APP: variants seen among roughly 807,000 people sequenced by gnomAD.
The protein encoded by APP is amyloid-beta precursor protein.
A neutral mutation model predicts 101.4 loss-of-function variants in APP; 31 were observed. The ratio of observed to expected loss-of-function variants is 0.31; its 90% CI spans 0.23 to 0.41. The LOEUF (loss-of-function observed/expected upper bound fraction) is 0.41, where lower values mean the gene tolerates loss of function less well. APP is among the 10% of genes least tolerant of loss of function. The pLI, the probability that APP is intolerant of heterozygous loss-of-function variation, is 1.00. For synonymous variants in APP, 366 were observed against 364.4 expected, an observed-to-expected ratio of 1.00 and a Z score of -0.05; for missense variants, 839 against 1,003.7, an observed-to-expected ratio of 0.84 and a Z score of 2.22.
intron 13 of APP, chr21:25,934,118 G>A (rs1379803028): frequency 6.6e-6 from 1 of 152,166 alleles, no homozygotes; most frequent in Non-Finnish European, 1.5e-5. Flanking sequence ...AGACAGAGGT[G>A]GAGATTGGAG....
chr21:26,152,442 C>T (rs2063297426), intron 1 of APP, among the ~76,000 whole-genome samples: 1 of 151,944 alleles, frequency 6.6e-6, no homozygotes, highest in African/African-American at 2.4e-5. Context: ...GTAAACATTA[C>T]ATGTACAAAG....
At chr21:25,940,489 C>T (rs2040531950) in intron 13 of APP, among the ~76,000 whole-genome samples, 2 of 152,024 alleles carry the variant, frequency 1.3e-5, no homozygotes, top group Non-Finnish European at 2.9e-5. Context: ...AAAAAACTAC[C>T]AATTGGCCAT....
intron 2 of APP, among the ~76,000 whole-genome samples, chr21:26,102,330 C>T (rs1465611566): frequency 6.6e-6 from 1 of 152,004 alleles, no homozygotes; most frequent in Non-Finnish European, 1.5e-5. Flanking sequence ...ACCTCGTGAT[C>T]TGCCCGCCTC....
chr21:26,166,394 A>G (rs1601609293), intron 1 of APP, among the ~76,000 whole-genome samples: 1 of 152,080 alleles, frequency 6.6e-6, no homozygotes, highest in Admixed American at 6.5e-5. Flanking sequence ...AAAAGACGGC[A>G]TTTCCCATCC....
Position 25,911,869 on chromosome 21 carries a change from A to T in APP, c.1781T>A (p.Met594Lys), listed in dbSNP as rs763182419. The T allele has an allele frequency of 3.1e-6, 5 of 1,614,198 alleles. No homozygotes were observed. Among genetic ancestry groups the T allele is most frequent in the Non-Finnish European group, 4.2e-6 (5 of 1,180,036 alleles). The change falls in exon 14 of 18, where the codon ATG becomes AAG. Residue 594 changes from methionine (M) to lysine (K), a missense_variant. By Grantham distance (95) the Met-to-Lys change is moderately conservative. Coordinates refer to ENST00000346798, the MANE Select transcript of APP (RefSeq NM_000484.4). ...GGTTTTCGTTTCGGTCAAAGATGGCATGAGAGCATCGTTTCCGTAACTGAT... is the reference window on the plus strand; with the variant it reads ...GGTTTTCGTTTCGGTCAAAGATGGCTTGAGAGCATCGTTTCCGTAACTGAT... ...PRISYGNDAL[M>K]PSLTETKTTV...
At chr21:26,122,429 T>C (rs1030811475) in intron 1 of APP, among the ~76,000 whole-genome samples, 3 of 152,214 alleles carry the variant, frequency 2.0e-5, no homozygotes, top group Non-Finnish European at 4.4e-5. Context: ...TTGTCTTCAA[T>C]GTGCATTAAA....
At chr21:25,976,853 T>C (rs1197729358) in intron 9 of APP, among the ~76,000 whole-genome samples, 4 of 152,150 alleles carry the variant, frequency 2.6e-5, no homozygotes, top group African/African-American at 7.2e-5. Context: ...TAAATTAGTA[T>C]CATTATGGGG....
chr21:26,075,169 A>C (rs970164530), intron 3 of APP, among the ~76,000 whole-genome samples: 3 of 152,256 alleles, frequency 2.0e-5, no homozygotes, highest in Non-Finnish European at 4.4e-5. Flanking sequence ...TCCTCAATTC[A>C]TTCATTAAAT....
Position 26,022,019 on chromosome 21 carries a change from G to A in APP, c.686C>T (p.Ala229Val), listed in dbSNP as rs1468425505. 2 of 1,613,952 alleles carry A rather than the reference G, an allele frequency of 1.2e-6. No individual in the cohort carries two copies. Among genetic ancestry groups the A allele is most frequent in the South Asian group, 1.1e-5 (1 of 91,064 alleles). ...DGSEDKVVEVAEEEEVAEVEE... is the reference protein window; with the variant it reads ...DGSEDKVVEVVEEEEVAEVEE... Reference sequence around the variant, plus strand: ...CACCTCAGCCACTTCTTCCTCCTCTGCTACTTCTACTACTTTGTCTTCACT... The same window carrying A: ...CACCTCAGCCACTTCTTCCTCCTCTACTACTTCTACTACTTTGTCTTCACT... The change falls in exon 6 of 18, where the codon GCA (alanine) becomes GTA (valine). Residue 229 changes from alanine (A) to valine (V), a missense_variant. Coordinates refer to ENST00000346798, the MANE Select transcript of APP (RefSeq NM_000484.4).
rs745978469 is a variant in APP at position 26,123,487 on chromosome 21, C to T, written c.58-11341G>A. 5.9e-5 allele frequency among the ~76,000 whole-genome samples: 9 copies of T among 152,112 alleles called. No homozygotes were observed. In the South Asian group the frequency reaches 8.3e-4, roughly 14 times the overall value. ...TAAAGAATACTCCAGGTTTAAATTC[C>T]AGGTTATTTGCTTGATAAGCCTGGG... On this transcript the variant is annotated intron_variant, in intron 1 of 17. Transcript: ENST00000346798.
intron 2 of APP, among the ~76,000 whole-genome samples, chr21:26,102,081 GGTTTTTTTTTTTT>G (rs2146166160): frequency 7.5e-6 from 1 of 133,632 alleles, no homozygotes; most frequent in African/African-American, 3.0e-5. Context: ...AAAACTATGT[GGTTTTTTTTTTTT>G]TTTTTTTTTT....
intron 11 of APP, among the ~76,000 whole-genome samples, chr21:25,961,877 G>A (rs1037374848): frequency 6.6e-6 from 1 of 151,868 alleles, no homozygotes; most frequent in South Asian, 2.1e-4. Context: ...TCACGAAAAG[G>A]ATATTGATAA....
chr21:26,054,188 T>C (rs1414300597), intron 3 of APP, among the ~76,000 whole-genome samples: 1 of 152,198 alleles, frequency 6.6e-6, no homozygotes. Context: ...GTCAGGCCAG[T>C]ATCTTGGGTG....
intron 1 of APP, among the ~76,000 whole-genome samples, chr21:26,149,909 C>T (rs1359701111): frequency 1.3e-5 from 2 of 152,166 alleles, no homozygotes; most frequent in Admixed American, 6.5e-5. Context: ...CCCCAGCATG[C>T]TCCCACCTCA....
intron 5 of APP, among the ~76,000 whole-genome samples, chr21:26,038,504 C>G (rs2045225591): frequency 6.6e-6 from 1 of 152,200 alleles, no homozygotes; most frequent in Non-Finnish European, 1.5e-5. Flanking sequence ...TGTCTCACGC[C>G]TGTAATCCCA....
At chr21:25,938,735 C>T (rs1034120507) in intron 13 of APP, among the ~76,000 whole-genome samples, 1 of 152,182 alleles carries the variant, frequency 6.6e-6, no homozygotes, top group Non-Finnish European at 1.5e-5. Context: ...CTTAAAGCAG[C>T]TAAACCGAAG....
intron 13 of APP, among the ~76,000 whole-genome samples, chr21:25,950,203 C>G (rs996383446): frequency 5.3e-5 from 8 of 152,138 alleles, no homozygotes; most frequent in Non-Finnish European, 1.0e-4. Flanking sequence ...ATGTGACCAT[C>G]AGCATTATCA....
intron 13 of APP, among the ~76,000 whole-genome samples, chr21:25,947,610 T>C (rs987463754): frequency 6.6e-6 from 1 of 152,226 alleles, no homozygotes; most frequent in Non-Finnish European, 1.5e-5. Context: ...ACAGGCCTCA[T>C]GTCTGTTACT....
chr21:26,163,402 TTAA>T (rs1432279297), intron 1 of APP, among the ~76,000 whole-genome samples: 1 of 152,170 alleles, frequency 6.6e-6, no homozygotes, highest in African/African-American at 2.4e-5. Flanking sequence ...GGGTCCATCA[TTAA>T]TAAGACCTTA....
Sources: allele counts gnomAD v4.1 joint callset (sites outside exome capture counted in the v4.1 genomes callset), GRCh38; gene constraint gnomAD v4.1.1; transcripts MANE v1.5; gene names NCBI Gene and HGNC (gene_info 2026-07-23, HGNC 2026-07-21).